Variants in DNAH11 observed in about 807,000 individuals in gnomAD.
DNAH11 encodes axonemal beta dynein heavy chain 11.
In DNAH11, 442 loss-of-function variants were observed where a neutral mutation model predicts 526.0. That is an observed-to-expected ratio of 0.84 (90% CI 0.78 to 0.91). The LOEUF (loss-of-function observed/expected upper bound fraction) is 0.91. DNAH11 is among the 40% of genes least tolerant of loss of function. The pLI, the probability that DNAH11 is intolerant of heterozygous loss-of-function variation, is 0.00. For synonymous variants in DNAH11, 2,461 were observed against 1,935.9 expected (o/e 1.27, Z -7.12); for missense variants, 6,989 against 5,448.7 (o/e 1.28, Z -8.90).
Position 21,895,101 on chromosome 7 carries a change from G to A in DNAH11, c.13049+102G>A, listed in dbSNP as rs548017443. The A allele has an allele frequency of 2.7e-5, 26 of 969,818 alleles. No homozygotes were observed. In the South Asian group the frequency reaches 4.1e-4, roughly 15 times the overall value. The allele number at this position is 969,818 out of a possible 1,614,324, so 60.1% of individuals were successfully genotyped here. On this transcript the variant is annotated intron_variant, in intron 79 of 81. Transcript: ENST00000409508. ...AAGAACTATGCAGACGGAGCTTTGT[G>A]ACTGTTCTCAACCTGTAACCGTAAA...
At chr7:21,778,219 T>C (rs57417302) in intron 56 of DNAH11, among the ~76,000 whole-genome samples, 1,881 of 152,280 alleles carry the variant, frequency 0.012, 41 homozygotes, top group African/African-American at 0.042. Flanking sequence ...GATGAATTCA[T>C]GGATTCCTCG....
intron 33 of DNAH11, 59 bp downstream of exon 33, chr7:21,687,314 G>C: frequency 1.3e-6 from 2 of 1,558,916 alleles, no homozygotes; most frequent in Non-Finnish European, 8.7e-7. Flanking sequence ...TCCTGATTGG[G>C]AATTATTCAA....
intron 43 of DNAH11, 36 bp downstream of exon 43, chr7:21,717,961 C>G: frequency 6.3e-7 from 1 of 1,583,426 alleles, no homozygotes; most frequent in South Asian, 1.2e-5. Flanking sequence ...CGTTCTAGTT[C>G]TGATGCGGTA....
intron 30 of DNAH11, among the ~76,000 whole-genome samples, chr7:21,663,728 C>T (rs1240830446): frequency 6.7e-6 from 1 of 149,762 alleles, no homozygotes; most frequent in Non-Finnish European, 1.5e-5. Context: ...ACATAATGTC[C>T]TCCTGATTGT....
intron 30 of DNAH11, among the ~76,000 whole-genome samples, chr7:21,672,655 A>T (rs1012916017): frequency 1.3e-5 from 2 of 152,218 alleles, no homozygotes; most frequent in African/African-American, 4.8e-5. Context: ...GGGTGTCCCC[A>T]TATTGGGAGA....
intron 44 of DNAH11, among the ~76,000 whole-genome samples, chr7:21,722,698 C>G (rs1260958089): frequency 6.6e-6 from 1 of 152,094 alleles, no homozygotes. Context: ...GTGTGAGAGT[C>G]AAGTGTTCGT....
intron 79 of DNAH11, among the ~76,000 whole-genome samples, chr7:21,896,771 G>C (rs1039761786): frequency 2.0e-5 from 3 of 152,058 alleles, no homozygotes; most frequent in Non-Finnish European, 4.4e-5. Context: ...TAATTATTTA[G>C]ATGTCATTGT....
intron 9 of DNAH11, among the ~76,000 whole-genome samples, chr7:21,586,313 A>C (rs1304863879): frequency 6.6e-6 from 1 of 152,224 alleles, no homozygotes; most frequent in African/African-American, 2.4e-5. Flanking sequence ...TTTTTTGTTA[A>C]ATACATAAGG....
intron 36 of DNAH11, 64 bp from the exon 37 acceptor site, chr7:21,702,646 C>A: frequency 7.1e-7 from 1 of 1,415,092 alleles, no homozygotes; most frequent in Non-Finnish European, 9.9e-7. Flanking sequence ...CAGCTCTTAC[C>A]TCTGGAATGA....
At chr7:21,720,285 G>C (rs1316347081) in intron 43 of DNAH11, among the ~76,000 whole-genome samples, 1 of 152,140 alleles carries the variant, frequency 6.6e-6, no homozygotes, top group Admixed American at 6.5e-5. Context: ...TCATCCAATG[G>C]AATCCTCTGC....
intron 45 of DNAH11, among the ~76,000 whole-genome samples, chr7:21,732,743 T>G (rs772704165): frequency 6.6e-6 from 1 of 152,228 alleles, no homozygotes; most frequent in Non-Finnish European, 1.5e-5. Context: ...TCTATACTGC[T>G]CTTCTTAACA....
Position 21,738,787 on chromosome 7 carries a change from A to G in DNAH11, c.7732A>G (p.Met2578Val), listed in dbSNP as rs1785735660. 6.2e-7 allele frequency: 1 copy of G among 1,600,510 alleles called. No homozygotes were observed. Among genetic ancestry groups the G allele is most frequent in the East Asian group, 2.2e-5 (1 of 44,494 alleles). Residue 2578 changes from methionine to valine, a missense_variant, in exon 47 of 82, where the codon ATG (methionine) becomes GTG (valine). Coordinates refer to ENST00000409508, the MANE Select transcript of DNAH11 (RefSeq NM_001277115.2). ...AAAATTGATTTATTTTATCGACGAC[A>G]TGAACATGCCTGAAGTGGACTTATA... ...NKKLIYFIDD[M>V]NMPEVDLYGT...
intron 28 of DNAH11, among the ~76,000 whole-genome samples, chr7:21,649,274 C>G (rs552628679): frequency 6.6e-6 from 1 of 152,164 alleles, no homozygotes; most frequent in Admixed American, 6.5e-5. Flanking sequence ...TTTTATCTAG[C>G]AGTTCACCTT....
chr7:21,826,717 G>C (rs1790314883), intron 65 of DNAH11, among the ~76,000 whole-genome samples: 1 of 152,032 alleles, frequency 6.6e-6, no homozygotes, highest in Admixed American at 6.5e-5. Context: ...CAACCTACAG[G>C]GACTGTTGAG....
At chr7:21,555,895 A>T (rs1456688479) in intron 2 of DNAH11, among the ~76,000 whole-genome samples, 1 of 152,164 alleles carries the variant, frequency 6.6e-6, no homozygotes, top group Non-Finnish European at 1.5e-5. Context: ...CAAGTTTGTG[A>T]GAAACACATT....
intron 2 of DNAH11, 117 bp downstream of exon 2, chr7:21,545,266 G>A: frequency 2.9e-6 from 1 of 346,374 alleles, no homozygotes; most frequent in Non-Finnish European, 4.4e-6. Context: ...GAAGGGGATG[G>A]GGGTGGTTAA....
In DNAH11 at chr7:21,717,811, A is replaced by G; in HGVS notation, c.7020A>G (p.Gln2340=). 6.2e-7 allele frequency: 1 copy of G among 1,613,834 alleles called. No individual in the cohort carries two copies. The highest frequency in any genetic ancestry group is 8.5e-7 in the Non-Finnish European group (1 of 1,179,822). Residue 2340 remains glutamine, a synonymous_variant, in exon 43 of 82, where the codon CAA becomes CAG. Transcript: ENST00000409508. Reference sequence around the variant, plus strand: ...GTTGGATAGACAGAAGGCGGCATCAATCAGAAAAGGCCAATTTGACTATTC... The same window carrying G: ...GTTGGATAGACAGAAGGCGGCATCAGTCAGAAAAGGCCAATTTGACTATTC... The part of the protein sequence containing the change: ...VASWIDRRRH[Q]SEKANLTILF...
In DNAH11 at chr7:21,807,980, C is replaced by G. The variant is rs374812632; in HGVS notation, c.10263C>G (p.Val3421=). 2 of 1,602,772 alleles carry G rather than the reference C, an allele frequency of 1.2e-6. No individual in the cohort carries two copies. The highest frequency in any genetic ancestry group is 1.7e-4 in the Middle Eastern group (1 of 5,720). The change falls in exon 63 of 82, where the codon GTC becomes GTG. Residue 3421 remains valine, a synonymous_variant. Transcript: ENST00000409508. ...VLLTAAFVSY[V]GPFTRQYRQE... ...TCACGGCGGCATTTGTGTCTTACGT[C>G]GGACCCTTCACAAGGCAGTATCGCC...
At chr7:21,853,274 C>G (rs1335729125) in intron 67 of DNAH11, among the ~76,000 whole-genome samples, 1 of 152,148 alleles carries the variant, frequency 6.6e-6, no homozygotes, top group Non-Finnish European at 1.5e-5. Context: ...GTGAATTAGA[C>G]CCTTATTTGC....
Sources: allele counts gnomAD v4.1 joint callset (sites outside exome capture counted in the v4.1 genomes callset), GRCh38; gene constraint gnomAD v4.1.1; transcripts MANE v1.5; gene names NCBI Gene and HGNC (gene_info 2026-07-23, HGNC 2026-07-21).